KIF27: variants seen among roughly 807,000 people sequenced by gnomAD.
KIF27 encodes kinesin-like protein KIF27.
KIF27 carries 84 observed loss-of-function variants against 141.8 expected under a neutral mutation model. That is an observed-to-expected ratio of 0.59 (90% CI 0.50 to 0.71). KIF27 has a LOEUF of 0.71. KIF27 is among the 30% of genes least tolerant of loss of function. The probability of loss-of-function intolerance (pLI) is 0.00; values close to 1 mark genes in which losing one functional copy is unlikely to be tolerated. For synonymous variants in KIF27, 471 were observed against 569.5 expected, an observed-to-expected ratio of 0.83 and a Z score of 2.46; for missense variants, 1,306 against 1,628.4, an observed-to-expected ratio of 0.80 and a Z score of 3.41.
At chr9:83,910,690 C>A (rs1266221626) in intron 2 of KIF27, among the ~76,000 whole-genome samples, 1 of 152,192 alleles carries the variant, frequency 6.6e-6, no homozygotes, top group East Asian at 1.9e-4. Flanking sequence ...CATCTCTACA[C>A]CTCTTCTCCT....
chr9:83,848,579 T>C (rs1233169289), intron 16 of KIF27: 1 of 146,922 alleles, frequency 6.8e-6, no homozygotes, highest in African/African-American at 2.5e-5. Context: ...TCTATATATA[T>C]CATATATGCT....
chr9:83,875,963 A>T (rs966250121), intron 11 of KIF27, among the ~76,000 whole-genome samples: 1 of 152,158 alleles, frequency 6.6e-6, no homozygotes, highest in East Asian at 1.9e-4. Context: ...GGATAATTTT[A>T]GGATGAAAAA....
intron 2 of KIF27, among the ~76,000 whole-genome samples, chr9:83,914,519 C>G (rs1049188018): frequency 6.6e-6 from 1 of 151,836 alleles, no homozygotes; most frequent in African/African-American, 2.4e-5. Context: ...CATATCTGAA[C>G]AGCTAGAGAA....
chr9:83,888,665 A>C (rs530178482), intron 7 of KIF27, 73 bp from the exon 8 acceptor site: 1 of 831,836 alleles, frequency 1.2e-6, no homozygotes, highest in South Asian at 1.8e-5. Context: ...TTTCCCCGAA[A>C]AGTGAAAGTA....
chr9:83,859,099 A>C, intron 14 of KIF27, 57 bp downstream of exon 14: 1 of 1,125,568 alleles, frequency 8.9e-7, no homozygotes, highest in Non-Finnish European at 1.4e-6. Context: ...AAGACTGAGG[A>C]AATCACTCAA....
At chr9:83,910,454 A>T (rs201674209) in intron 2 of KIF27, among the ~76,000 whole-genome samples, 10 of 152,266 alleles carry the variant, frequency 6.6e-5, no homozygotes, top group South Asian at 2.1e-4. Context: ...AATGCTTTTT[A>T]AAAAAAATTC....
In KIF27 at chr9:83,886,068, G is replaced by C. The variant is rs577984761; in HGVS notation, c.2239+973C>G. Among the ~76,000 whole-genome samples, 5 of 151,868 alleles carry C rather than the reference G, an allele frequency of 3.3e-5. No individual in the cohort carries two copies. In the South Asian group the frequency reaches 1.0e-3, roughly 32 times the overall value. On this transcript the variant is annotated intron_variant, in intron 9 of 17. Coordinates refer to ENST00000297814, the MANE Select transcript of KIF27 (RefSeq NM_017576.4). ...GCATCATCCTAGCTCCAGTTATGCA[G>C]ATGTTTAAATGAGTTTGGCCATGCT... is the stretch of plus-strand genomic sequence containing the variant.
chr9:83,906,227 T>C (rs1954512568), intron 3 of KIF27, among the ~76,000 whole-genome samples: 1 of 152,206 alleles, frequency 6.6e-6, no homozygotes, highest in Admixed American at 6.5e-5. Flanking sequence ...CTACCATATA[T>C]AGTTTCTTCT....
intron 2 of KIF27, among the ~76,000 whole-genome samples, chr9:83,914,990 A>G (rs2780098): frequency 6.6e-6 from 1 of 152,356 alleles, no homozygotes; most frequent in Admixed American, 6.5e-5. Context: ...TGCAAAATCT[A>G]ATCATGTTAA....
At chr9:83,856,008 C>T (rs2780150) in intron 14 of KIF27, among the ~76,000 whole-genome samples, 2 of 152,216 alleles carry the variant, frequency 1.3e-5, no homozygotes, top group African/African-American at 4.8e-5. Context: ...TAGGTGTAGG[C>T]TGACAAGATA....
rs376924107 is a variant in KIF27 at position 83,850,063 on chromosome 9, C to T, written c.3556+36G>A. On this transcript the variant is annotated intron_variant, in intron 16 of 17. Transcript: ENST00000297814. Reference sequence around the variant, plus strand: ...TCTTCCTTCAGTACCCACACCTACACATCAACCTTACATAACTGTCAAAAG... The same window carrying T: ...TCTTCCTTCAGTACCCACACCTACATATCAACCTTACATAACTGTCAAAAG... 3 of 1,554,392 alleles carry T rather than the reference C, an allele frequency of 1.9e-6. No homozygotes were observed. The African/African-American group carries it at 4.1e-5, about 21-fold the overall frequency.
rs781343039 is a variant in KIF27, at chr9:83,850,258, A to G, written c.3397T>C (p.Tyr1133His). 2.5e-6 allele frequency: 4 copies of G among 1,613,908 alleles called. No homozygotes were observed. The highest frequency in any genetic ancestry group is 1.1e-5 in the South Asian group (1 of 91,070). ...LREAERKQQL[Y>H]NEEMKMKVLE... Reference sequence around the variant, plus strand: ...ACTTTCATTTTCATTTCTTCATTATATAACTGTTGTTTCCGTTCAGCTTCT... The same window carrying G: ...ACTTTCATTTTCATTTCTTCATTATGTAACTGTTGTTTCCGTTCAGCTTCT... Residue 1133 changes from tyrosine (Y) to histidine (H), a missense_variant, in exon 16 of 18, where the codon TAT becomes CAT. Tyr to His is a moderately conservative substitution (Grantham distance 83). This residue lies in a region of KIF27 where 596 missense variants were observed against 751.6 expected (regional missense o/e 0.79). Transcript: ENST00000297814.
intron 11 of KIF27, among the ~76,000 whole-genome samples, chr9:83,878,259 G>A (rs1362335344): frequency 6.7e-6 from 1 of 150,230 alleles, no homozygotes; most frequent in Non-Finnish European, 1.5e-5. Flanking sequence ...AACAGGTGTT[G>A]ACAAAAGTGA....
At chr9:83,891,543 C>T (rs768136967) in intron 5 of KIF27, 42 bp from the exon 6 acceptor site, 2 of 1,515,494 alleles carry the variant, frequency 1.3e-6, no homozygotes, top group East Asian at 4.8e-5. Flanking sequence ...TAGAGCACTT[C>T]AGTACATTTA....
At chr9:83,916,695 G>A (rs1194420599) in intron 1 of KIF27, among the ~76,000 whole-genome samples, 2 of 136,068 alleles carry the variant, frequency 1.5e-5, no homozygotes, top group East Asian at 4.2e-4. Context: ...ACGGAGTCTC[G>A]CTCTGTCGCT....
intron 2 of KIF27, among the ~76,000 whole-genome samples, chr9:83,914,798 T>C (rs2780097): frequency 6.6e-6 from 1 of 152,188 alleles, no homozygotes; most frequent in Admixed American, 6.5e-5. Flanking sequence ...GATCCTATGA[T>C]TCCATCTTTT....
intron 14 of KIF27, among the ~76,000 whole-genome samples, chr9:83,856,415 T>A (rs1022258371): frequency 6.6e-6 from 1 of 151,936 alleles, no homozygotes; most frequent in African/African-American, 2.4e-5. Context: ...GAGACCAGCC[T>A]GACCAACATG....
chr9:83,907,003 TA>T (rs1954615884), intron 3 of KIF27, among the ~76,000 whole-genome samples: 1 of 150,810 alleles, frequency 6.6e-6, no homozygotes, highest in African/African-American at 2.4e-5. Context: ...TTTAAAAAAT[TA>T]TATGGGCCAG....
At chr9:83,893,546 A>C (rs1033398937) in intron 5 of KIF27, among the ~76,000 whole-genome samples, 2 of 150,854 alleles carry the variant, frequency 1.3e-5, no homozygotes, top group African/African-American at 4.9e-5. Flanking sequence ...TTCACAAGTC[A>C]AAAAAAAAGT....
Sources: allele counts gnomAD v4.1 joint callset (sites outside exome capture counted in the v4.1 genomes callset), GRCh38; gene constraint gnomAD v4.1.1; regional missense constraint gnomAD v4.1.1; transcripts MANE v1.5; gene names NCBI Gene and HGNC (gene_info 2026-07-23, HGNC 2026-07-21).